Variants in USP6NL observed in about 807,000 individuals in gnomAD.
The protein encoded by USP6NL is USP6 N-terminal-like protein.
In USP6NL, 26 loss-of-function variants were observed where a neutral mutation model predicts 61.9. That is an observed-to-expected ratio of 0.42 (90% CI 0.31 to 0.58). The LOEUF is 0.58. USP6NL is among the 20% of genes least tolerant of loss of function. The pLI, the probability that USP6NL is intolerant of heterozygous loss-of-function variation, is 0.16. For missense variants in USP6NL, 1,114 were observed against 1,034.3 expected, an observed-to-expected ratio of 1.08 and a Z score of -1.06; for synonymous variants, 432 against 390.1, an observed-to-expected ratio of 1.11 and a Z score of -1.27.
chr10:11,475,680 T>C (rs1181708377), intron 14 of USP6NL, among the ~76,000 whole-genome samples: 2 of 149,434 alleles, frequency 1.3e-5, no homozygotes, highest in Non-Finnish European at 3.0e-5. Flanking sequence ...AAATTTGATA[T>C]AGGCAAGGAT....
Position 11,597,734 on chromosome 10 carries a change from G to A in USP6NL, c.-83-17C>T. ...ATACATGTCCTAGTCAGGAAACAAAGAGAAAGAAATAGTATTTTCTAGAGG... is the reference window on the plus strand; with the variant it reads ...ATACATGTCCTAGTCAGGAAACAAAAAGAAAGAAATAGTATTTTCTAGAGG... On this transcript the variant is annotated splice_polypyrimidine_tract_variant and intron_variant, in intron 1 of 14. Coordinates refer to ENST00000609104, the MANE Select transcript of USP6NL (RefSeq NM_014688.5). The surrounding 1 kb of genome is among the most constrained non-coding windows in gnomAD (Gnocchi z 4.6). 1 of 911,982 alleles carries A rather than the reference G, an allele frequency of 1.1e-6. No homozygotes were observed. Among genetic ancestry groups the A allele is most frequent in the Non-Finnish European group, 1.7e-6 (1 of 577,986 alleles). 56.5% of individuals were successfully genotyped at this position (911,982 alleles called of 1,614,324 possible).
chr10:11,467,536 T>C (rs1832524604), intron 14 of USP6NL, among the ~76,000 whole-genome samples: 1 of 152,198 alleles, frequency 6.6e-6, no homozygotes, highest in Non-Finnish European at 1.5e-5. Context: ...CATAGAGGAT[T>C]TGTGAAATTC....
chr10:11,545,537 C>G (rs1836242422), intron 2 of USP6NL, among the ~76,000 whole-genome samples: 1 of 152,198 alleles, frequency 6.6e-6, no homozygotes, highest in South Asian at 2.1e-4. Flanking sequence ...GTAAAAGGGT[C>G]AGCATTTTGC....
At chr10:11,582,899 A>G (rs555733200) in intron 2 of USP6NL, among the ~76,000 whole-genome samples, 2 of 150,504 alleles carry the variant, frequency 1.3e-5, no homozygotes, top group South Asian at 4.3e-4. Context: ...AAAGGCAATA[A>G]AATCCTGTTC....
In USP6NL at chr10:11,487,872, C is replaced by G; in HGVS notation, c.664+1230G>C. On this transcript the variant is annotated intron_variant, in intron 10 of 14. Transcript: ENST00000609104. The surrounding 1 kb of genome is among the most constrained non-coding windows in gnomAD (Gnocchi z 4.2). ...AGTGTGAGACTTCACAAACAATGGG[C>G]TATAGAAAGTCATAATTTTGAAAAT... 6.6e-6 allele frequency among the ~76,000 whole-genome samples: 1 copy of G among 152,086 alleles called. No homozygotes were observed. Among genetic ancestry groups the G allele is most frequent in the Non-Finnish European group, 1.5e-5 (1 of 68,034 alleles).
chr10:11,462,950 G>T lies in USP6NL; in HGVS notation c.1978C>A (p.Pro660Thr), dbSNP rs1410370450. 6.2e-7 allele frequency: 1 copy of T among 1,613,604 alleles called. No homozygotes were observed. The highest frequency in any genetic ancestry group is 8.5e-7 in the Non-Finnish European group (1 of 1,179,766). ...NSSFASPQFS[P>T]GTQLNPSRRP... The stretch of plus-strand genomic sequence containing the variant: ...CTGGAAGGATTCAGTTGAGTCCCAG[G>T]GCTAAACTGTGGAGAAGCAAAGCTG... Residue 660 changes from proline to threonine, a missense_variant, in exon 15 of 15, where the codon CCT (proline) becomes ACT (threonine). Coordinates refer to ENST00000609104, the MANE Select transcript of USP6NL (RefSeq NM_014688.5).
At chr10:11,577,711 A>C (rs1193550274) in intron 2 of USP6NL, among the ~76,000 whole-genome samples, 1 of 151,280 alleles carries the variant, frequency 6.6e-6, no homozygotes, top group Non-Finnish European at 1.5e-5. Flanking sequence ...TGGTTGGCCA[A>C]GCTGGTCTCG....
At chr10:11,480,667 A>G (rs772721802) in intron 14 of USP6NL, among the ~76,000 whole-genome samples, 17 of 152,214 alleles carry the variant, frequency 1.1e-4, no homozygotes, top group Non-Finnish European at 2.4e-4. Context: ...AAATAAAAGC[A>G]AACATCTTGG....
intron 2 of USP6NL, chr10:11,565,775 A>G (rs1266203241): frequency 2.6e-5 from 4 of 152,220 alleles, no homozygotes; most frequent in African/African-American, 4.8e-5. Flanking sequence ...CAATATGGAC[A>G]GGAGTGGAGA....
Position 11,525,514 on chromosome 10 carries a change from T to G in USP6NL, c.73-46A>C, listed in dbSNP as rs768241374. On this transcript the variant is annotated intron_variant, in intron 3 of 14. Coordinates refer to ENST00000609104, the MANE Select transcript of USP6NL (RefSeq NM_014688.5). This position sits in a 1 kb window ranked among gnomAD's most constrained non-coding sequence, Gnocchi z 5.0. Reference sequence around the variant, plus strand: ...AGGTGTTAATCAGAGTTTATAAAACTGAATAATTTTTTAAAATAAAAGGAC... The same window carrying G: ...AGGTGTTAATCAGAGTTTATAAAACGGAATAATTTTTTAAAATAAAAGGAC... 2.1e-6 allele frequency: 3 copies of G among 1,458,946 alleles called. No homozygotes were observed. In the Admixed American group the frequency reaches 7.7e-5, roughly 37 times the overall value. The allele number at this position is 1,458,946 out of a possible 1,614,324, so 90.4% of individuals were successfully genotyped here.
chr10:11,521,616 G>A (rs915548687), intron 4 of USP6NL, among the ~76,000 whole-genome samples: 2 of 151,898 alleles, frequency 1.3e-5, no homozygotes, highest in Non-Finnish European at 2.9e-5. Context: ...TCCTCATCTC[G>A]TGATCCGCCC....
In USP6NL at chr10:11,463,235, C is replaced by T. The variant is rs1355620989; in HGVS notation, c.1693G>A (p.Val565Met). 1 of 1,613,458 alleles carries T rather than the reference C, an allele frequency of 6.2e-7. No homozygotes were observed. The highest frequency in any genetic ancestry group is 8.5e-7 in the Non-Finnish European group (1 of 1,179,884). The part of the protein sequence containing the change: ...PGPELDSGAS[V>M]EEALERAYSQ... ...TAAGCCCTTTCCAGCGCCTCCTCCA[C>T]GGAAGCGCCGCTGTCCAGCTCCGGG... Residue 565 changes from valine (V) to methionine (M), a missense_variant, in exon 15 of 15, where the codon GTG becomes ATG. By Grantham distance (21) the Val-to-Met change is conservative. Transcript: ENST00000609104. The surrounding 1 kb of genome is among the most constrained non-coding windows in gnomAD (Gnocchi z 6.3).
At chr10:11,494,039 C>G (rs1325492546) in intron 7 of USP6NL, among the ~76,000 whole-genome samples, 6 of 152,216 alleles carry the variant, frequency 3.9e-5, no homozygotes, top group African/African-American at 1.4e-4. Flanking sequence ...GGAACACACC[C>G]TTTAGTAGCT....
intron 14 of USP6NL, among the ~76,000 whole-genome samples, chr10:11,480,923 T>C (rs951795617): frequency 2.0e-5 from 3 of 152,192 alleles, no homozygotes; most frequent in African/African-American, 4.8e-5. Flanking sequence ...TCTCAAGACA[T>C]ACATGGTCAA....
chr10:11,462,715 T>A lies in USP6NL; in HGVS notation c.2213A>T (p.Glu738Val), dbSNP rs1305405340. 1 of 1,613,990 alleles carries A rather than the reference T, an allele frequency of 6.2e-7. No individual in the cohort carries two copies. The highest frequency in any genetic ancestry group is 1.3e-5 in the African/African-American group (1 of 75,030). ...CTCAGGTCTGTATGTATAACTAACT[T>A]CTGACCATGTTCTGTTATCTGGCAA... is the stretch of plus-strand genomic sequence containing the variant. ...DYLPDNRTWSEVSYTYRPETQ... is the reference protein window; with the variant it reads ...DYLPDNRTWSVVSYTYRPETQ... The change falls in exon 15 of 15, where the codon GAA becomes GTA. Residue 738 changes from glutamate (E) to valine (V), a missense_variant. By Grantham distance (121) the Glu-to-Val change is moderately radical. Transcript: ENST00000609104.
chr10:11,528,257 G>C lies in USP6NL; in HGVS notation c.5-690C>G, dbSNP rs1239998027. On this transcript the variant is annotated intron_variant, in intron 2 of 14. Transcript: ENST00000609104. This position sits in a 1 kb window ranked among gnomAD's most constrained non-coding sequence, Gnocchi z 4.6. ...GAAATAGTATGAATATATACCATAA[G>C]TTTTTTTAAAAGATCAATAACAGAC... Among the ~76,000 whole-genome samples the C allele has an allele frequency of 6.7e-6, 1 of 149,764 alleles. No homozygotes were observed. Among genetic ancestry groups the C allele is most frequent in the Non-Finnish European group, 1.5e-5 (1 of 67,632 alleles).
At chr10:11,567,190 A>G (rs1837194551) in intron 2 of USP6NL, among the ~76,000 whole-genome samples, 1 of 152,216 alleles carries the variant, frequency 6.6e-6, no homozygotes, top group Non-Finnish European at 1.5e-5. Context: ...TTTAAATTTC[A>G]TTTTATTTTT....
chr10:11,548,066 T>C lies in USP6NL; in HGVS notation c.5-20499A>G, dbSNP rs1325511970. On this transcript the variant is annotated intron_variant, in intron 2 of 14. Coordinates refer to ENST00000609104, the MANE Select transcript of USP6NL (RefSeq NM_014688.5). This position sits in a 1 kb window ranked among gnomAD's most constrained non-coding sequence, Gnocchi z 4.3. ...GATCACTCAATTTCTCCTTAAGGCT[T>C]CCAGAAATGAAAATCTCACAAGTCA... 6.6e-6 allele frequency among the ~76,000 whole-genome samples: 1 copy of C among 152,160 alleles called. No homozygotes were observed. Among genetic ancestry groups the C allele is most frequent in the Non-Finnish European group, 1.5e-5 (1 of 67,994 alleles).
chr10:11,537,121 T>C lies in USP6NL; in HGVS notation c.5-9554A>G, dbSNP rs555081873. On this transcript the variant is annotated intron_variant, in intron 2 of 14. Transcript: ENST00000609104. The surrounding 1 kb of genome is among the most constrained non-coding windows in gnomAD (Gnocchi z 5.1). Reference sequence around the variant, plus strand: ...CAGGTTTTGTTTTTGGGGGATTTTGTTTGTTTTGAGACAAGGTCTCACTCT... The same window carrying C: ...CAGGTTTTGTTTTTGGGGGATTTTGCTTGTTTTGAGACAAGGTCTCACTCT... Among the ~76,000 whole-genome samples the C allele has an allele frequency of 3.1e-5, 4 of 129,664 alleles. No homozygotes were observed. Among genetic ancestry groups the C allele is most frequent in the African/African-American group, 1.0e-4 (4 of 40,024 alleles). The allele number at this position is 129,664 out of a possible 152,430, so 85.1% of individuals were successfully genotyped here.
Sources: gnomAD v4.1 joint callset for allele counts (sites outside exome capture counted in the v4.1 genomes callset) on GRCh38, gnomAD v4.1.1 for gene constraint, Gnocchi (gnomAD v3.1) non-coding constraint, MANE v1.5 for transcripts, NCBI Gene and HGNC (gene_info 2026-07-23, HGNC 2026-07-21) for gene names.